Variants in ZMYM1 observed in about 807,000 individuals in gnomAD.
ZMYM1 encodes the protein zinc finger MYM-type protein 1.
A neutral mutation model predicts 60.0 loss-of-function variants in ZMYM1; 39 were observed. That is an observed-to-expected ratio of 0.65 (90% CI 0.50 to 0.85). The LOEUF (loss-of-function observed/expected upper bound fraction) is 0.85, where lower values mean the gene tolerates loss of function less well. ZMYM1 is among the 40% of genes least tolerant of loss of function. The pLI is 0.00. For synonymous variants in ZMYM1, 413 were observed against 454.0 expected (o/e 0.91, Z 1.15); for missense variants, 1,171 against 1,309.5 (o/e 0.89, Z 1.63).
At position 35,115,095 on chromosome 1, in the gene ZMYM1, A is replaced by G; in HGVS notation, c.3265A>G (p.Thr1089Ala). The G allele has an allele frequency of 6.2e-7, 1 of 1,614,062 alleles. No homozygotes were observed. The highest frequency in any genetic ancestry group is 8.5e-7 in the Non-Finnish European group (1 of 1,179,972). Residue 1089 changes from threonine (T) to alanine (A), a missense_variant, in exon 10 of 10, where the codon ACC becomes GCC. Physicochemically the swap from Thr to Ala is moderately conservative, Grantham distance 58 (BLOSUM62 0). Coordinates refer to ENST00000359858, the MANE Select transcript of ZMYM1 (RefSeq NM_024772.5). ...TSASTENSFS[T>A]LPRLKTYLCN... ...AGCAAGTACTGAGAACTCATTTTCT[A>G]CCCTGCCTCGTCTTAAGACATATTT...
intron 6 of ZMYM1, among the ~76,000 whole-genome samples, chr1:35,105,576 G>C (rs917431804): frequency 1.3e-5 from 2 of 152,218 alleles, no homozygotes; most frequent in African/African-American, 4.8e-5. Context: ...TGGGATTACA[G>C]GCGTAAGCCA....
chr1:35,081,919 C>A (rs1642408591), intron 1 of ZMYM1, among the ~76,000 whole-genome samples: 1 of 152,118 alleles, frequency 6.6e-6, no homozygotes, highest in South Asian at 2.1e-4. Context: ...TCTTGAACTC[C>A]TGACCTCAGG....
intron 4 of ZMYM1, among the ~76,000 whole-genome samples, chr1:35,103,108 C>T (rs1010522450): frequency 2.6e-5 from 4 of 152,164 alleles, no homozygotes; most frequent in Non-Finnish European, 5.9e-5. Flanking sequence ...TTTCCAAATT[C>T]ATTGAAGTGA....
At chr1:35,063,225 C>T (rs1274079192) in intron 1 of ZMYM1, among the ~76,000 whole-genome samples, 1 of 151,846 alleles carries the variant, frequency 6.6e-6, no homozygotes, top group Non-Finnish European at 1.5e-5. Context: ...TTCCTGGGCT[C>T]CAGTGGTTCT....
chr1:35,104,215 T>C, intron 4 of ZMYM1, 80 bp from the exon 5 acceptor site: 1 of 1,259,688 alleles, frequency 7.9e-7, no homozygotes. Flanking sequence ...TTACTCTAAT[T>C]TGAGAGGTCA....
chr1:35,116,020 C>T (rs913540975), downstream of ZMYM1, among the ~76,000 whole-genome samples: 2 of 152,104 alleles, frequency 1.3e-5, no homozygotes, highest in African/African-American at 4.8e-5. Flanking sequence ...TCGCTTGAGG[C>T]CACGAGTTCA....
At chr1:35,102,350 A>T (rs1022917508) in intron 4 of ZMYM1, among the ~76,000 whole-genome samples, 1 of 152,292 alleles carries the variant, frequency 6.6e-6, no homozygotes, top group Middle Eastern at 3.4e-3. Flanking sequence ...CTTTGAATGG[A>T]TCTTTTACCC....
intron 1 of ZMYM1, among the ~76,000 whole-genome samples, chr1:35,062,625 C>G (rs1034043724): frequency 3.3e-5 from 5 of 152,208 alleles, no homozygotes; most frequent in African/African-American, 1.2e-4. Context: ...GGGCAAATCA[C>G]TTGCCATTTA....
intron 1 of ZMYM1, among the ~76,000 whole-genome samples, chr1:35,063,336 C>G (rs1641909048): frequency 6.6e-6 from 1 of 152,078 alleles, no homozygotes; most frequent in African/African-American, 2.4e-5. Context: ...GAGACAGGGT[C>G]TTGCTCTGTC....
chr1:35,105,804 C>T lies in ZMYM1; in HGVS notation c.807+1035C>T, dbSNP rs1026172610. 4.6e-5 allele frequency among the ~76,000 whole-genome samples: 7 copies of T among 152,236 alleles called. No individual in the cohort carries two copies. The South Asian group carries it at 1.4e-3, about 32-fold the overall frequency. ...ATTTTTTTGTAGAGACAAGCTCTTA[C>T]TATGTTGCCCAAGCTTGTCTTACAA... On this transcript the variant is annotated intron_variant, in intron 6 of 9. Transcript: ENST00000359858.
intron 1 of ZMYM1, among the ~76,000 whole-genome samples, chr1:35,067,392 A>G (rs540130970): frequency 1.3e-5 from 2 of 151,986 alleles, no homozygotes; most frequent in Non-Finnish European, 2.9e-5. Flanking sequence ...TGCTCAAGCA[A>G]TCCTTCCACT....
At chr1:35,079,796 C>A (rs577858586) in intron 1 of ZMYM1, among the ~76,000 whole-genome samples, 2 of 152,334 alleles carry the variant, frequency 1.3e-5, no homozygotes, top group African/African-American at 4.8e-5. Context: ...ATCTCTCCTT[C>A]ATTGAGCAGT....
chr1:35,104,535 G>GA, intron 5 of ZMYM1, 22 bp from the exon 6 acceptor site: 1 of 1,612,604 alleles, frequency 6.2e-7, no homozygotes, highest in Non-Finnish European at 8.5e-7. Flanking sequence ...AGTTTTTACT[G>GA]AATCTTTTTA....
At chr1:35,097,912 G>GTT (rs2148524888) in intron 4 of ZMYM1, among the ~76,000 whole-genome samples, 1 of 152,312 alleles carries the variant, frequency 6.6e-6, no homozygotes, top group East Asian at 1.9e-4. Flanking sequence ...GCCTCCCAAA[G>GTT]TGCTGGGATT....
Position 35,114,663 on chromosome 1 carries a change from G to A in ZMYM1, c.2833G>A (p.Val945Ile), listed in dbSNP as rs766426368. 3 of 1,595,876 alleles carry A rather than the reference G, an allele frequency of 1.9e-6. No homozygotes were observed. Among genetic ancestry groups the A allele is most frequent in the African/African-American group, 2.7e-5 (2 of 73,642 alleles). The change falls in exon 10 of 10, where the codon GTA (valine) becomes ATA (isoleucine). Residue 945 changes from valine (V) to isoleucine (I), a missense_variant. Val to Ile is a conservative substitution (Grantham distance 29). Coordinates refer to ENST00000359858, the MANE Select transcript of ZMYM1 (RefSeq NM_024772.5). ...LQKRRKIQKS[V>I]DLGNSDNMFF... ...GAAAAGAAGAAAAATTCAGAAATCA[G>A]TAGATCTTGGCAATTCAGATAATAT... is the stretch of plus-strand genomic sequence containing the variant.
chr1:35,104,774 G>A lies in ZMYM1; in HGVS notation c.807+5G>A, dbSNP rs1410118325. ...AGTATTACAGCATATAAGCAGGTATGAATAAAGACCTATTGTTTCTTCTAT... is the reference window on the plus strand; with the variant it reads ...AGTATTACAGCATATAAGCAGGTATAAATAAAGACCTATTGTTTCTTCTAT... On this transcript the variant is annotated splice_donor_5th_base_variant and intron_variant, in intron 6 of 9. Coordinates refer to ENST00000359858, the MANE Select transcript of ZMYM1 (RefSeq NM_024772.5). The A allele has an allele frequency of 1.2e-6, 2 of 1,602,888 alleles. No individual in the cohort carries two copies. The highest frequency in any genetic ancestry group is 4.5e-5 in the East Asian group (2 of 44,586).
rs58346528 is a variant in ZMYM1 at position 35,088,434 on chromosome 1, G to GTATATATATATA, written c.-74-5470_-74-5459dup. Among the ~76,000 whole-genome samples the GTATATATATATA allele has an allele frequency of 5.6e-3, 380 of 67,942 alleles. 1 individual carries two copies. The highest frequency in any genetic ancestry group is 7.9e-3 in the Non-Finnish European group (255 of 32,322). 44.6% of individuals were successfully genotyped at this position (67,942 alleles called of 152,430 possible). A position where few individuals can be genotyped will look rare whatever the true frequency, so the allele number is the denominator to read the frequency against. ...CTCCATCTCAAAAATGTGTTTATGT[G>GTATATATATATA]TATATATATATATATATATATGTGT... On this transcript the variant is annotated intron_variant, in intron 1 of 9. Transcript: ENST00000359858.
In ZMYM1 at chr1:35,069,003, C is replaced by T. The variant is rs116575172; in HGVS notation, c.-301+9078C>T. ...AGGTGCGCCTGGCTAATTTTAGAGA[C>T]GGGGTTTTTTAGTAGAGATGGGATT... On this transcript the variant is annotated intron_variant, in intron 1 of 10. Transcript: ENST00000417119. Among the ~76,000 whole-genome samples the T allele has an allele frequency of 9.8e-3, 1,483 of 151,918 alleles. 11 individuals carry two copies. The highest frequency in any genetic ancestry group is 0.015 in the Non-Finnish European group (996 of 67,948).
chr1:35,112,943 C>A, intron 9 of ZMYM1, 34 bp from the exon 10 acceptor site: 15 of 1,464,902 alleles, frequency 1.0e-5, no homozygotes, highest in Non-Finnish European at 1.4e-5. Flanking sequence ...TTTTTGAAAA[C>A]TGTTAAATGT....
Sources: allele counts gnomAD v4.1 joint callset (sites outside exome capture counted in the v4.1 genomes callset), GRCh38; gene constraint gnomAD v4.1.1; transcripts MANE v1.5; gene names NCBI Gene and HGNC (gene_info 2026-07-23, HGNC 2026-07-21).